PDXDC1: variants seen among roughly 807,000 people sequenced by gnomAD.
PDXDC1 encodes pyridoxal dependent decarboxylase domain containing 1.
Under a neutral mutation model 100.1 loss-of-function variants are expected in PDXDC1, and 42 were observed. That is an observed-to-expected ratio of 0.42 (90% CI 0.33 to 0.54). The LOEUF (loss-of-function observed/expected upper bound fraction) is 0.54, where lower values mean the gene tolerates loss of function less well. Among genes scored for constraint, PDXDC1 ranks in the 20% least tolerant of loss-of-function variants. PDXDC1 has a pLI of 0.10. For synonymous variants in PDXDC1, 260 were observed against 371.7 expected (o/e 0.70, Z 3.46); for missense variants, 636 against 979.2 (o/e 0.65, Z 4.68).
downstream of PDXDC1, chr16:15,041,222 AAGGG>A: frequency 2.6e-6 from 2 of 775,890 alleles, no homozygotes; most frequent in Non-Finnish European, 4.5e-6. Flanking sequence ...TCGATGCAGA[AAGGG>A]AGGAAAATTC....
chr16:15,027,082 T>C (rs1297709053), intron 14 of PDXDC1, among the ~76,000 whole-genome samples: 1 of 152,230 alleles, frequency 6.6e-6, no homozygotes, highest in Non-Finnish European at 1.5e-5. Context: ...GGCACCACTC[T>C]TTTTTTACCT....
rs1567750336 is a variant in PDXDC1 at position 15,038,174 on chromosome 16, A to AGTGGGGT, written c.*1901_*1907dup. On this transcript the variant is annotated 3_prime_UTR_variant, in exon 23 of 23. Coordinates refer to ENST00000396410, the MANE Select transcript of PDXDC1 (RefSeq NM_015027.4). ...AAGGTAGATCTAATATGTTCAACAA[A>AGTGGGGT]GTGGGGTGGCTCAGCCAGAGGCGAA... The AGTGGGGT allele has an allele frequency of 6.2e-7, 1 of 1,613,546 alleles. No individual in the cohort carries two copies. The highest frequency in any genetic ancestry group is 1.1e-5 in the South Asian group (1 of 90,884).
At chr16:15,079,542 C>G (rs1293859384) in intron 16 of PDXDC1, among the ~76,000 whole-genome samples, 2 of 152,100 alleles carry the variant, frequency 1.3e-5, no homozygotes, top group African/African-American at 4.8e-5. Flanking sequence ...CAACTCCCAG[C>G]ACATGCACAC....
chr16:15,148,904 G>A, the PDXDC1 span, among the ~76,000 whole-genome samples: 4 of 152,150 alleles, frequency 2.6e-5, no homozygotes, highest in Non-Finnish European at 4.4e-5. Flanking sequence ...GAGTGAGCGT[G>A]TGACTTCTTG....
At chr16:15,045,333 G>C (rs2044013031) in intron 16 of PDXDC1, 1 of 152,066 alleles carries the variant, frequency 6.6e-6, no homozygotes, top group African/African-American at 2.4e-5. Context: ...TGGGCGTGGT[G>C]GTGGGCGTCT....
chr16:15,080,052 T>G (rs768363785), intron 16 of PDXDC1: 83 of 1,603,114 alleles, frequency 5.2e-5, no homozygotes, highest in African/African-American at 1.1e-4. Flanking sequence ...GCCTCAAGGT[T>G]GGAAAATATA....
In PDXDC1 at chr16:15,065,141, G is replaced by T. The variant is rs1339504691; in HGVS notation, c.1399+35085G>T. 3.5e-6 allele frequency: 5 copies of T among 1,445,364 alleles called. No individual in the cohort carries two copies. The East Asian group carries it at 1.1e-4, about 33-fold the overall frequency. 89.5% of individuals were successfully genotyped at this position (1,445,364 alleles called of 1,614,324 possible). Reference sequence around the variant, plus strand: ...AGATCACACCACCGCACTCCAGCCTGGGCGACAGAGTGAGACTCCGTCTCA... The same window carrying T: ...AGATCACACCACCGCACTCCAGCCTTGGCGACAGAGTGAGACTCCGTCTCA... On this transcript the variant is annotated intron_variant, in intron 16 of 16. Coordinates refer to the PDXDC1 transcript ENST00000535621.
chr16:15,141,505 A>C (rs1475348075), downstream of PDXDC1, among the ~76,000 whole-genome samples: 1 of 152,062 alleles, frequency 6.6e-6, no homozygotes, highest in Non-Finnish European at 1.5e-5. Flanking sequence ...CCCTTCCCCC[A>C]GGGGCTGTGG....
chr16:15,043,623 G>C (rs1010881710), intron 16 of PDXDC1, among the ~76,000 whole-genome samples: 3 of 136,700 alleles, frequency 2.2e-5, no homozygotes, highest in African/African-American at 5.1e-5. Flanking sequence ...GTCAACACAC[G>C]ACAATGTTTT....
chr16:15,048,436 T>C (rs2044167734), intron 16 of PDXDC1, among the ~76,000 whole-genome samples: 1 of 152,172 alleles, frequency 6.6e-6, no homozygotes. Flanking sequence ...CCCAGGCTGG[T>C]CTTGAACTCC....
At chr16:15,071,040 G>A in intron 16 of PDXDC1, 1 of 1,232,422 alleles carries the variant, frequency 8.1e-7, no homozygotes, top group Non-Finnish European at 1.1e-6. Flanking sequence ...AAAAAAATGG[G>A]AGATATTTCT....
intron 3 of PDXDC1, among the ~76,000 whole-genome samples, chr16:14,999,830 C>T (rs1284873714): frequency 6.6e-6 from 1 of 152,330 alleles, no homozygotes; most frequent in South Asian, 2.1e-4. Flanking sequence ...GATTAGTATC[C>T]CAGCCCAGCT....
intron 16 of PDXDC1, 41 bp from the exon 17 acceptor site, chr16:15,031,694 C>T (rs778243688): frequency 1.9e-6 from 3 of 1,559,390 alleles, no homozygotes; most frequent in African/African-American, 1.4e-5. Context: ...TTGTCATTGG[C>T]CATCTCGTGA....
At chr16:15,028,118 G>A (rs1417055739) in intron 14 of PDXDC1, among the ~76,000 whole-genome samples, 5 of 152,272 alleles carry the variant, frequency 3.3e-5, no homozygotes, top group African/African-American at 9.6e-5. Context: ...ACTCTGCCCC[G>A]AATTCGCTTC....
chr16:15,094,275 C>T (rs1192468541), intron 16 of PDXDC1: 3 of 1,427,872 alleles, frequency 2.1e-6, no homozygotes, highest in Admixed American at 2.0e-5. Flanking sequence ...GGCCGGATGC[C>T]CAGCTCCTTC....
At chr16:15,146,231 A>G in the PDXDC1 span, among the ~76,000 whole-genome samples, 1 of 152,272 alleles carries the variant, frequency 6.6e-6, no homozygotes, top group East Asian at 1.9e-4. Flanking sequence ...CAGAAGAGCC[A>G]ACAGAAAGCC....
intron 16 of PDXDC1, among the ~76,000 whole-genome samples, chr16:15,030,309 C>T (rs1475104735): frequency 6.6e-6 from 1 of 152,234 alleles, no homozygotes; most frequent in African/African-American, 2.4e-5. Context: ...CCTTGGGAGG[C>T]CAAGGCAGGC....
chr16:15,020,111 C>CAAAAAAAA (rs56353637), intron 12 of PDXDC1, among the ~76,000 whole-genome samples: 3 of 90,616 alleles, frequency 3.3e-5, no homozygotes, highest in Admixed American at 1.3e-4. Context: ...GGCTCCGTCT[C>CAAAAAAAA]AAAAAAAAAA....
the PDXDC1 span, among the ~76,000 whole-genome samples, chr16:15,149,217 C>A: frequency 6.6e-6 from 1 of 152,220 alleles, no homozygotes; most frequent in Admixed American, 6.5e-5. Flanking sequence ...CCTGTGGGAG[C>A]TTTGAAACCT....
Sources: allele counts gnomAD v4.1 joint callset (sites outside exome capture counted in the v4.1 genomes callset), GRCh38; gene constraint gnomAD v4.1.1; transcripts MANE v1.5; gene names NCBI Gene and HGNC (gene_info 2026-07-23, HGNC 2026-07-21).